Variants in DGKH observed in about 807,000 individuals in gnomAD.
DGKH encodes the protein DAG kinase eta.
A neutral mutation model predicts 159.3 loss-of-function variants in DGKH; 90 were observed. The ratio of observed to expected loss-of-function variants is 0.57; its 90% CI spans 0.48 to 0.67. The LOEUF (loss-of-function observed/expected upper bound fraction) is 0.67, where lower values mean the gene tolerates loss of function less well. DGKH is among the 30% of genes least tolerant of loss of function. The pLI is 0.00. For missense variants in DGKH, 1,181 were observed against 1,506.1 expected (o/e 0.78, Z 3.57); for synonymous variants, 536 against 553.8 (o/e 0.97, Z 0.45).
chr13:42,180,553 T>G (rs142959556), intron 13 of DGKH, among the ~76,000 whole-genome samples: 16 of 152,328 alleles, frequency 1.1e-4, no homozygotes, highest in Admixed American at 6.5e-4. Flanking sequence ...CACCTCACGT[T>G]TTACCCGATT....
At chr13:42,228,052 T>G (rs190271681) in intron 29 of DGKH, among the ~76,000 whole-genome samples, 1 of 152,280 alleles carries the variant, frequency 6.6e-6, no homozygotes, top group East Asian at 1.9e-4. Flanking sequence ...TGACTATGCC[T>G]TTTACTTAAA....
Position 42,118,503 on chromosome 13 carries a change from C to T in DGKH, c.193-8960C>T, listed in dbSNP as rs549272681. Among the ~76,000 whole-genome samples, 29 of 152,224 alleles carry T rather than the reference C, an allele frequency of 1.9e-4. 1 individual carries two copies. In the South Asian group the frequency reaches 5.8e-3, roughly 30 times the overall value. ...TCTTAAAGGCCGCGACCTGGTGGGA[C>T]CATAAATATGTGGATGGACACTGTT... is the stretch of plus-strand genomic sequence containing the variant. On this transcript the variant is annotated intron_variant, in intron 1 of 29. Transcript: ENST00000337343.
chr13:42,178,349 G>GTTT lies in DGKH; in HGVS notation c.1538+130_1538+131insTTT, dbSNP rs1956659530. On this transcript the variant is annotated intron_variant, in intron 13 of 29. Coordinates refer to ENST00000337343, the MANE Select transcript of DGKH (RefSeq NM_178009.5). ...TTGGAAGTAGCTTATAAAATTAGAT[G>GTTT]TACTAAATTTGAATTGATTTTTAAA... 7.9e-6 allele frequency: 5 copies of GTTT among 634,124 alleles called. No individual in the cohort carries two copies. The Admixed American group carries it at 1.6e-4, about 20-fold the overall frequency. The allele number at this position is 634,124 out of a possible 1,614,324, so 39.3% of individuals were successfully genotyped here. A position where few individuals can be genotyped will look rare whatever the true frequency, so the allele number is the denominator to read the frequency against.
At chr13:42,040,384 C>T (rs1880404477) in intron 1 of DGKH, among the ~76,000 whole-genome samples, 1 of 151,980 alleles carries the variant, frequency 6.6e-6, no homozygotes, top group African/African-American at 2.4e-5. Flanking sequence ...GAGGCCGCTC[C>T]TTTCCGCGCG....
intron 16 of DGKH, 133 bp downstream of exon 16, chr13:42,190,658 C>T (rs896619813): frequency 1.2e-6 from 1 of 824,316 alleles, no homozygotes; most frequent in Non-Finnish European, 1.8e-6. Context: ...GAAGTTAAAG[C>T]TTAGATAAAT....
chr13:42,081,266 G>A (rs1221924182), intron 1 of DGKH, among the ~76,000 whole-genome samples: 1 of 151,100 alleles, frequency 6.6e-6, no homozygotes, highest in Non-Finnish European at 1.5e-5. Context: ...TTCTCGCTCT[G>A]TTGCCCAGGC....
intron 29 of DGKH, among the ~76,000 whole-genome samples, chr13:42,223,303 G>T (rs9533041): frequency 0.26 from 38,761 of 151,884 alleles, 5,295 homozygotes; most frequent in Non-Finnish European, 0.31. Context: ...GGTACTACTT[G>T]TGAATATGTC....
chr13:42,157,523 C>T (rs1956074608), intron 5 of DGKH, among the ~76,000 whole-genome samples: 1 of 152,260 alleles, frequency 6.6e-6, no homozygotes, highest in South Asian at 2.1e-4. Flanking sequence ...CACGGTGGCT[C>T]ACGCCTGTAA....
upstream of DGKH, among the ~76,000 whole-genome samples, chr13:42,044,814 A>G (rs1468295175): frequency 6.6e-6 from 1 of 152,238 alleles, no homozygotes; most frequent in Non-Finnish European, 1.5e-5. Context: ...GTGGAAATAG[A>G]GGCATAAACT....
intron 1 of DGKH, among the ~76,000 whole-genome samples, chr13:42,068,562 T>C (rs1400758567): frequency 6.6e-6 from 1 of 152,222 alleles, no homozygotes; most frequent in Non-Finnish European, 1.5e-5. Flanking sequence ...ATGAAAAATG[T>C]CTTAGGATAA....
Position 42,230,294 on chromosome 13 carries a change from C to T in DGKH, c.*1106C>T, listed in dbSNP as rs1168830655. On this transcript the variant is annotated 3_prime_UTR_variant, in exon 30 of 30. Coordinates refer to ENST00000337343, the MANE Select transcript of DGKH (RefSeq NM_178009.5). ...CCGCTCTCTACAGTGACTTCTGACA[C>T]GATCTTCCAAACAGAAGGGATTTAA... The T allele has an allele frequency of 3.3e-5, 5 of 152,076 alleles. No individual in the cohort carries two copies. Among genetic ancestry groups the T allele is most frequent in the East Asian group, 1.9e-4 (1 of 5,192 alleles). 9.4% of individuals were successfully genotyped at this position (152,076 alleles called of 1,614,324 possible).
At chr13:42,185,262 A>C (rs545232495) in intron 13 of DGKH, among the ~76,000 whole-genome samples, 1 of 152,366 alleles carries the variant, frequency 6.6e-6, no homozygotes, top group South Asian at 2.1e-4. Context: ...TATGGAACTT[A>C]ATGAGCAATA....
exon 31 of DGKH, chr13:42,256,373 G>C: frequency 1.9e-6 from 3 of 1,585,032 alleles, no homozygotes; most frequent in Non-Finnish European, 2.6e-6. Context: ...GTTGGTGACA[G>C]CTCTCAATCC....
intron 1 of DGKH, among the ~76,000 whole-genome samples, chr13:42,040,536 G>A (rs955923478): frequency 6.6e-6 from 1 of 151,728 alleles, no homozygotes; most frequent in Admixed American, 6.6e-5. Context: ...GGAGGAAAAG[G>A]GGAGGGCGCC....
At position 42,190,420 on chromosome 13, in the gene DGKH, G is replaced by T; in HGVS notation, c.1930G>T (p.Val644Phe). The change falls in exon 16 of 30, where the codon GTT becomes TTT. Residue 644 changes from valine to phenylalanine, a missense_variant. Coordinates refer to ENST00000337343, the MANE Select transcript of DGKH (RefSeq NM_178009.5). ...EAGKVMDDPT[V>F]HPCEPANQSS... ...ACCTGAAGTTATGGATGACCCGACA[G>T]TTCACCCCTGTGAACCAGCTAATCA... The T allele has an allele frequency of 6.2e-7, 1 of 1,608,328 alleles. No individual in the cohort carries two copies. Among genetic ancestry groups the T allele is most frequent in the South Asian group, 1.1e-5 (1 of 89,534 alleles).
chr13:42,075,733 A>G (rs1415584863), intron 1 of DGKH, among the ~76,000 whole-genome samples: 2 of 152,130 alleles, frequency 1.3e-5, no homozygotes, highest in Non-Finnish European at 2.9e-5. Context: ...CATGGTTACC[A>G]TGGCAAGCAC....
intron 1 of DGKH, among the ~76,000 whole-genome samples, chr13:42,059,402 A>G (rs1002996972): frequency 3.9e-5 from 6 of 152,014 alleles, no homozygotes; most frequent in African/African-American, 1.5e-4. Flanking sequence ...GGTGCGTGCC[A>G]CTGTGTCCTG....
intron 24 of DGKH, among the ~76,000 whole-genome samples, chr13:42,212,073 A>T (rs761393874): frequency 1.3e-5 from 2 of 152,146 alleles, no homozygotes; most frequent in Non-Finnish European, 2.9e-5. Context: ...TTCTTCCCAC[A>T]CCTTCATCTG....
intron 1 of DGKH, chr13:42,070,354 T>C: frequency 7.0e-7 from 1 of 1,423,332 alleles, no homozygotes; most frequent in South Asian, 1.1e-5. Context: ...AGGAATAGAT[T>C]CTAAAGTCAG....
Sources: gnomAD v4.1 joint callset for allele counts (sites outside exome capture counted in the v4.1 genomes callset) on GRCh38, gnomAD v4.1.1 for gene constraint, MANE v1.5 for transcripts, NCBI Gene and HGNC (gene_info 2026-07-23, HGNC 2026-07-21) for gene names.